MYO1C: variants seen among roughly 807,000 people sequenced by gnomAD.
The protein encoded by MYO1C is myosin IC, also known as unconventional myosin-Ic.
A neutral mutation model predicts 150.8 loss-of-function variants in MYO1C; 104 were observed. The observed-to-expected ratio is 0.69, with a 90% CI of 0.59 to 0.81. The LOEUF (loss-of-function observed/expected upper bound fraction) is 0.81. MYO1C is among the 30% of genes least tolerant of loss of function. The probability of loss-of-function intolerance (pLI) is 0.00; values close to 1 mark genes in which losing one functional copy is unlikely to be tolerated. For synonymous variants in MYO1C, 663 were observed against 579.9 expected, an observed-to-expected ratio of 1.14 and a Z score of -2.06; for missense variants, 1,504 against 1,435.0, an observed-to-expected ratio of 1.05 and a Z score of -0.78.
At position 1,471,094 on chromosome 17, in the gene MYO1C, A is replaced by AG; in HGVS notation, c.2188dup (p.Leu730ProfsTer113). 6.2e-7 allele frequency: 1 copy of AG among 1,614,098 alleles called. No individual in the cohort carries two copies. The highest frequency in any genetic ancestry group is 8.5e-7 in the Non-Finnish European group (1 of 1,179,984). On this transcript the variant is annotated frameshift_variant, in exon 21 of 32. Coordinates refer to ENST00000648651, the MANE Select transcript of MYO1C (RefSeq NM_001080779.2). LOFTEE classifies it high-confidence loss of function. ...ACCCAGGCTCTGCCGCCGGACCTCC[A>AG]GGGCATCCTCTGTGGCAAACAGGGT...
At chr17:1,466,153 CTTTTTTTTTT>C (rs71148490) in intron 31 of MYO1C, among the ~76,000 whole-genome samples, 1 of 91,600 alleles carries the variant, frequency 1.1e-5, no homozygotes, top group African/African-American at 5.3e-5. Context: ...GCCGTGCTGC[CTTTTTTTTTT>C]TTTTTTTTTT....
In MYO1C at chr17:1,465,228, C is replaced by T; in HGVS notation, c.*498G>A. On this transcript the variant is annotated 3_prime_UTR_variant, in exon 32 of 32. Coordinates refer to ENST00000648651, the MANE Select transcript of MYO1C (RefSeq NM_001080779.2). ...ATGGGCAGGCAGGGAGACAGGTAAA[C>T]AGACAGAAAGACAAGGTGCCAAGGG... 6.5e-6 allele frequency: 1 copy of T among 152,960 alleles called. No homozygotes were observed. The highest frequency in any genetic ancestry group is 1.5e-5 in the Non-Finnish European group (1 of 68,350). 9.5% of individuals were successfully genotyped at this position (152,960 alleles called of 1,614,324 possible). A position where few individuals can be genotyped will look rare whatever the true frequency, so the allele number is the denominator to read the frequency against.
intron 25 of MYO1C, chr17:1,468,800 G>T: frequency 2.2e-5 from 11 of 500,396 alleles, no homozygotes; most frequent in South Asian, 2.1e-4. Flanking sequence ...CCAGCTTGGG[G>T]TCTTGTAAGC....
chr17:1,467,579 TG>T lies in MYO1C; in HGVS notation c.2968-3del, dbSNP rs538792546. On this transcript the variant is annotated splice_polypyrimidine_tract_variant and splice_region_variant and intron_variant, in intron 29 of 31. Transcript: ENST00000648651. The stretch of plus-strand genomic sequence containing the variant: ...GTCACTCTGCAGCACCACATCTCCC[TG>T]GGGGGCCAGGCAGGAGGAGGGGTCA... 2 of 1,612,464 alleles carry T rather than the reference TG, an allele frequency of 1.2e-6. No homozygotes were observed. Among genetic ancestry groups the T allele is most frequent in the East Asian group, 2.2e-5 (1 of 44,846 alleles).
chr17:1,479,731 G>A lies in MYO1C; in HGVS notation c.907-26C>T, dbSNP rs762826509. The A allele has an allele frequency of 9.7e-6, 15 of 1,546,546 alleles. No homozygotes were observed. The highest frequency in any genetic ancestry group is 9.3e-5 in the South Asian group (8 of 86,230). ...CTGGGGGAGCAGGCCGGGGGCAGGAGGGGGTGAGAGGGGCCAGAGAGCCCC... is the reference window on the plus strand; with the variant it reads ...CTGGGGGAGCAGGCCGGGGGCAGGAAGGGGTGAGAGGGGCCAGAGAGCCCC... On this transcript the variant is annotated intron_variant, in intron 7 of 31. Coordinates refer to ENST00000648651, the MANE Select transcript of MYO1C (RefSeq NM_001080779.2). This position sits in a 1 kb window ranked among gnomAD's most constrained non-coding sequence, Gnocchi z 4.2.
rs1246027113 is a variant in MYO1C, at chr17:1,480,827, T to C, written c.686A>G (p.His229Arg). Residue 229 changes from histidine (H) to arginine (R), a missense_variant, in exon 6 of 32, where the codon CAC (histidine) becomes CGC (arginine). Physicochemically the swap from His to Arg is conservative, Grantham distance 29 (BLOSUM62 0). Coordinates refer to ENST00000648651, the MANE Select transcript of MYO1C (RefSeq NM_001080779.2). ...SYLLEKSRVV[H>R]QNHGERNFHI... The stretch of plus-strand genomic sequence containing the variant: ...GAAGTTCCGCTCCCCATGATTCTGG[T>C]GCACCACTCGTGACTTTTCCAGGAG... The C allele has an allele frequency of 6.2e-7, 1 of 1,614,134 alleles. No individual in the cohort carries two copies. Among genetic ancestry groups the C allele is most frequent in the East Asian group, 2.2e-5 (1 of 44,876 alleles).
At chr17:1,470,579 C>T (rs975192445) in intron 22 of MYO1C, 42 bp downstream of exon 22, 2 of 1,525,704 alleles carry the variant, frequency 1.3e-6, no homozygotes, top group African/African-American at 1.4e-5. Flanking sequence ...CCCCCCCTGG[C>T]CCCAGACCCC....
Position 1,492,495 on chromosome 17 carries a change from T to C in MYO1C, c.-8A>G. The C allele has an allele frequency of 1.3e-6, 2 of 1,596,620 alleles. No individual in the cohort carries two copies. The highest frequency in any genetic ancestry group is 1.7e-6 in the Non-Finnish European group (2 of 1,171,988). ...CTCCACTTGCAGCGCCATTCCGCCC[T>C]GCGGAGAGCCAGCGGCCTGGGCACC... On this transcript the variant is annotated 5_prime_UTR_variant, in exon 1 of 32. Coordinates refer to ENST00000648651, the MANE Select transcript of MYO1C (RefSeq NM_001080779.2).
At chr17:1,492,076 G>T (rs2074741880) in intron 1 of MYO1C, 1 of 381,200 alleles carries the variant, frequency 2.6e-6, no homozygotes, top group Admixed American at 3.8e-5. Context: ...GAGGAGCGGG[G>T]CGTTGACTGA....
At chr17:1,485,779 G>A (rs889996020) in intron 1 of MYO1C, 73 of 985,842 alleles carry the variant, frequency 7.4e-5, no homozygotes, top group Non-Finnish European at 8.8e-5. Context: ...CGGCGGTGGC[G>A]GCGGCGTCAG....
rs760544139 is a variant in MYO1C, at chr17:1,484,157, A to G, written c.222T>C (p.Asn74=). 5.6e-6 allele frequency: 9 copies of G among 1,612,814 alleles called. No individual in the cohort carries two copies. The highest frequency in any genetic ancestry group is 7.6e-6 in the Non-Finnish European group (9 of 1,180,010). The change falls in exon 2 of 32, where the codon AAT becomes AAC. Residue 74 remains asparagine (N), a synonymous_variant. Coordinates refer to ENST00000648651, the MANE Select transcript of MYO1C (RefSeq NM_001080779.2). ...CCCACAAGGGCCTCACGTAGATGAG[A>G]TTCTCCCGAAATCGCCGCCGCAGGT... ...IENLRRRFRE[N]LIYTYIGPVL... is the part of the protein sequence containing the mutation.
chr17:1,474,774 T>TCCCCCCCCCCCCCCCCC, intron 16 of MYO1C, 38 bp downstream of exon 16: 21 of 1,597,350 alleles, frequency 1.3e-5, no homozygotes, highest in East Asian at 2.2e-5. Flanking sequence ...CTGTGGGCTA[T>TCCCCCCCCCCCCCCCCC]CCCCACCCCC....
Position 1,472,248 on chromosome 17 carries a change from GGGAGGTTGGCC to G in MYO1C, c.1798-31_1798-21del. 2 of 1,610,952 alleles carry G rather than the reference GGGAGGTTGGCC, an allele frequency of 1.2e-6. No homozygotes were observed. Among genetic ancestry groups the G allele is most frequent in the East Asian group, 4.5e-5 (2 of 44,856 alleles). ...GGCGACCTGGCGAGCCAAGAGGCAT[GGGAGGTTGGCC>G]GGAGCTGGGCTAAAGCTGCTGACCC... On this transcript the variant is annotated intron_variant, in intron 17 of 31. Transcript: ENST00000648651.
rs751857508 is a variant in MYO1C at position 1,478,077 on chromosome 17, T to TG, written c.1401+9_1401+10insC. 8.7e-6 allele frequency: 14 copies of TG among 1,613,928 alleles called. No homozygotes were observed. Among genetic ancestry groups the TG allele is most frequent in the Middle Eastern group, 1.6e-4 (1 of 6,062 alleles). On this transcript the variant is annotated intron_variant, in intron 12 of 31. Coordinates refer to ENST00000648651, the MANE Select transcript of MYO1C (RefSeq NM_001080779.2). This position sits in a 1 kb window ranked among gnomAD's most constrained non-coding sequence, Gnocchi z 6.3. ...TGGCCCACGGAGAGTGCCCCCAGGC[T>TG]AGCACACACCGCGATGCCCTCTGCC...
Position 1,477,931 on chromosome 17 carries a change from T to A in MYO1C, c.1442A>T (p.Asp481Val), listed in dbSNP as rs1457784822. 1.9e-6 allele frequency: 3 copies of A among 1,614,084 alleles called. No individual in the cohort carries two copies. The East Asian group carries it at 6.7e-5, about 36-fold the overall frequency. ...GCCCTTAAACTTCTCCTCCACCAGA[T>A]CACAGATGATTTTGTTGTTGAAATA... ...VQYFNNKIIC[D>V]LVEEKFKGII... Residue 481 changes from aspartate (D) to valine (V), a missense_variant, in exon 13 of 32, where the codon GAT becomes GTT. Transcript: ENST00000648651.
chr17:1,482,913 T>C lies in MYO1C; in HGVS notation c.494A>G (p.Glu165Gly). 1 of 1,552,700 alleles carries C rather than the reference T, an allele frequency of 6.4e-7. No homozygotes were observed. The highest frequency in any genetic ancestry group is 2.3e-5 in the East Asian group (1 of 43,912). The change falls in exon 4 of 32, where the codon GAG (glutamate) becomes GGG (glycine). Residue 165 changes from glutamate (E) to glycine (G), a missense_variant. Glu to Gly is a moderately conservative substitution (Grantham distance 98). Transcript: ENST00000648651. ...QFYAETCPAP[E>G]RGGAVRDRLL... is the part of the protein sequence containing the mutation. ...CCGGTCCCGCACGGCACCTCCGCGC[T>C]CGGGGGCTGGGCAGGTCTCTGCATA...
In MYO1C at chr17:1,478,857, C is replaced by A. The variant is rs770247186; in HGVS notation, c.1093-122G>T. 138 of 1,490,278 alleles carry A rather than the reference C, an allele frequency of 9.3e-5. No individual in the cohort carries two copies. Among genetic ancestry groups the A allele is most frequent in the Non-Finnish European group, 1.2e-4 (132 of 1,098,214 alleles). 92.3% of individuals were successfully genotyped at this position (1,490,278 alleles called of 1,614,324 possible). A position where few individuals can be genotyped will look rare whatever the true frequency, so the allele number is the denominator to read the frequency against. ...TGCACTCCCAGCTCCAGCAAGCCTG[C>A]AGTATGGGGAGGGGTGCTGGTAGTG... On this transcript the variant is annotated intron_variant, in intron 9 of 31. Coordinates refer to ENST00000648651, the MANE Select transcript of MYO1C (RefSeq NM_001080779.2). This position sits in a 1 kb window ranked among gnomAD's most constrained non-coding sequence, Gnocchi z 6.3.
chr17:1,483,588 C>A, intron 3 of MYO1C, 22 bp downstream of exon 3: 1 of 1,574,900 alleles, frequency 6.3e-7, no homozygotes, highest in Admixed American at 1.8e-5. Context: ...GGGTCGCTCC[C>A]GGAGGGGCTG....
intron 1 of MYO1C, chr17:1,485,818 C>CCCCGCACCGCCT (rs2074644496): frequency 3.1e-6 from 2 of 636,298 alleles, no homozygotes; most frequent in South Asian, 1.4e-4. Context: ...CCGCACCGCC[C>CCCCGCACCGCCT]CCACCCGGGC....
Sources: gnomAD v4.1 joint callset for allele counts (sites outside exome capture counted in the v4.1 genomes callset) on GRCh38, gnomAD v4.1.1 for gene constraint, Gnocchi (gnomAD v3.1) non-coding constraint, MANE v1.5 for transcripts, NCBI Gene and HGNC (gene_info 2026-07-23, HGNC 2026-07-21) for gene names.